ACMSD: variants seen among roughly 807,000 people sequenced by gnomAD.
The protein encoded by ACMSD is 2-amino-3-carboxymuconate-6-semialdehyde decarboxylase.
In ACMSD, 37 loss-of-function variants were observed where a neutral mutation model predicts 45.9. The observed-to-expected ratio is 0.81, with a 90% CI of 0.62 to 1.06. ACMSD has a LOEUF of 1.06. Among genes scored for constraint, ACMSD ranks in the 50% least tolerant of loss-of-function variants. The probability of loss-of-function intolerance (pLI) is 0.00; values close to 1 mark genes in which losing one functional copy is unlikely to be tolerated. For synonymous variants in ACMSD, 138 were observed against 148.8 expected (o/e 0.93, Z 0.53); for missense variants, 434 against 420.9 (o/e 1.03, Z -0.27).
intron 8 of ACMSD, among the ~76,000 whole-genome samples, chr2:134,876,106 C>T (rs1688719078): frequency 6.6e-6 from 1 of 152,102 alleles, no homozygotes; most frequent in Non-Finnish European, 1.5e-5. Flanking sequence ...AGGGCACTTA[C>T]CATGAATGGA....
chr2:134,849,544 T>C (rs1687232430), intron 2 of ACMSD, among the ~76,000 whole-genome samples: 1 of 152,218 alleles, frequency 6.6e-6, no homozygotes, highest in Admixed American at 6.5e-5. Context: ...GTTCCTTTAG[T>C]GAAGAAATGT....
rs563049718 is a variant in ACMSD, at chr2:134,840,335, T to G, written c.57+1596T>G. On this transcript the variant is annotated intron_variant, in intron 1 of 9. Transcript: ENST00000356140. ...CCACTGAGAAAGCTAGCTAGCATGA[T>G]CGACCCTCCAAGCAGGGCTCCAAGC... is the stretch of plus-strand genomic sequence containing the variant. Among the ~76,000 whole-genome samples, 3 of 151,860 alleles carry G rather than the reference T, an allele frequency of 2.0e-5. No individual in the cohort carries two copies. The East Asian group carries it at 5.8e-4, about 29-fold the overall frequency.
intron 8 of ACMSD, chr2:134,873,443 TAGA>T (rs1688568224): frequency 6.6e-6 from 1 of 152,234 alleles, no homozygotes; most frequent in Non-Finnish European, 1.5e-5. Flanking sequence ...CAGATATCTA[TAGA>T]AGATTTCCAC....
chr2:134,879,333 T>C (rs1235804199), intron 8 of ACMSD, among the ~76,000 whole-genome samples: 1 of 152,208 alleles, frequency 6.6e-6, no homozygotes, highest in Non-Finnish European at 1.5e-5. Flanking sequence ...CACAGGCCAT[T>C]GGGCTTCTAA....
intron 2 of ACMSD, among the ~76,000 whole-genome samples, chr2:134,849,963 AACACACACACACACACAC>A (rs10617563): frequency 6.9e-6 from 1 of 145,878 alleles, no homozygotes; most frequent in South Asian, 2.2e-4. Flanking sequence ...GGGCCTTGGG[AACACACACACACACACAC>A]ACACACACAC....
At chr2:134,840,959 A>T (rs1163150875) in intron 1 of ACMSD, among the ~76,000 whole-genome samples, 1 of 152,094 alleles carries the variant, frequency 6.6e-6, no homozygotes, top group East Asian at 1.9e-4. Flanking sequence ...TGTCATTCTT[A>T]TGCCTTTGCA....
intron 5 of ACMSD, among the ~76,000 whole-genome samples, chr2:134,865,827 AG>A (rs1203018186): frequency 5.9e-5 from 9 of 152,188 alleles, no homozygotes; most frequent in African/African-American, 2.4e-5. Flanking sequence ...TATTGGTATA[AG>A]GCAGACTGAA....
At chr2:134,840,166 GC>G (rs1686718719) in intron 1 of ACMSD, among the ~76,000 whole-genome samples, 6 of 12,054 alleles carry the variant, frequency 5.0e-4, no homozygotes, top group African/African-American at 1.5e-3. Flanking sequence ...ACTATACCTA[GC>G]AAAAAAAAAA....
At chr2:134,900,043 AGACATTT>A (rs2104977018) in intron 9 of ACMSD, among the ~76,000 whole-genome samples, 1 of 152,278 alleles carries the variant, frequency 6.6e-6, no homozygotes, top group South Asian at 2.1e-4. Flanking sequence ...TATCTATTTT[AGACATTT>A]TGAATTTTGA....
At chr2:134,877,508 G>C (rs1327535533) in intron 8 of ACMSD, 2 of 152,298 alleles carry the variant, frequency 1.3e-5, no homozygotes, top group African/African-American at 4.8e-5. Context: ...TTACATTCAA[G>C]GTGGATTTTA....
chr2:134,859,316 G>A lies in ACMSD; in HGVS notation c.158G>A (p.Cys53Tyr), dbSNP rs780952596. The change falls in exon 3 of 10, where the codon TGC (cysteine) becomes TAC (tyrosine). Residue 53 changes from cysteine (C) to tyrosine (Y), a missense_variant. Coordinates refer to ENST00000356140, the MANE Select transcript of ACMSD (RefSeq NM_138326.3). ...GKVFRVVREN[C>Y]WDPEVRIREM... is the part of the protein sequence containing the mutation. ...GTCTTCAGAGTGGTGCGAGAGAATT[G>A]CTGGGATCCAGAAGTTCGTATTAGA... 1.9e-6 allele frequency: 3 copies of A among 1,614,016 alleles called. No homozygotes were observed. In the East Asian group the frequency reaches 6.7e-5, roughly 36 times the overall value.
Position 134,861,972 on chromosome 2 carries a change from T to A in ACMSD, c.203T>A (p.Val68Glu). The A allele has an allele frequency of 6.2e-7, 1 of 1,614,074 alleles. No homozygotes were observed. Among genetic ancestry groups the A allele is most frequent in the Non-Finnish European group, 8.5e-7 (1 of 1,180,002 alleles). Residue 68 changes from valine (V) to glutamate (E), a missense_variant, in exon 4 of 10, where the codon GTA (valine) becomes GAA (glutamate). Coordinates refer to ENST00000356140, the MANE Select transcript of ACMSD (RefSeq NM_138326.3). ...CCTTCTTTGTGTCCATGTCTAGGAG[T>A]AACAGTGCAAGCCCTTTCCACAGTT... ...VRIREMDQKG[V>E]TVQALSTVPV... is the part of the protein sequence containing the mutation.
chr2:134,899,133 T>C (rs1573738161), intron 9 of ACMSD, among the ~76,000 whole-genome samples: 1 of 152,184 alleles, frequency 6.6e-6, no homozygotes, highest in East Asian at 1.9e-4. Flanking sequence ...TATAAACTCT[T>C]AATAAATCTT....
At chr2:134,883,967 T>C (rs930509108) in intron 8 of ACMSD, among the ~76,000 whole-genome samples, 1 of 152,198 alleles carries the variant, frequency 6.6e-6, no homozygotes, top group Non-Finnish European at 1.5e-5. Context: ...AGAAACTCAA[T>C]AAAAATTTCA....
At chr2:134,849,749 A>G (rs993054936) in intron 2 of ACMSD, among the ~76,000 whole-genome samples, 5 of 152,210 alleles carry the variant, frequency 3.3e-5, no homozygotes, top group African/African-American at 1.2e-4. Context: ...TTTTGATTGA[A>G]TATTTATAAA....
chr2:134,851,020 C>T (rs1249222113), intron 2 of ACMSD, among the ~76,000 whole-genome samples: 1 of 152,176 alleles, frequency 6.6e-6, no homozygotes, highest in East Asian at 1.9e-4. Flanking sequence ...CAATGTTTGG[C>T]TTCCATTTCT....
At chr2:134,879,819 A>T (rs1218783526) in intron 8 of ACMSD, among the ~76,000 whole-genome samples, 1 of 152,224 alleles carries the variant, frequency 6.6e-6, no homozygotes, top group Admixed American at 6.5e-5. Flanking sequence ...AAATATCTTC[A>T]GGAGCCTTCT....
At chr2:134,853,730 G>A (rs2104835055) in intron 2 of ACMSD, among the ~76,000 whole-genome samples, 1 of 152,256 alleles carries the variant, frequency 6.6e-6, no homozygotes. Flanking sequence ...AGAACTGGGG[G>A]CTTATTATAC....
chr2:134,850,212 T>C (rs761979817), intron 2 of ACMSD, among the ~76,000 whole-genome samples: 2 of 152,038 alleles, frequency 1.3e-5, no homozygotes, highest in Admixed American at 1.3e-4. Flanking sequence ...TTTCTCAGTT[T>C]GTGTCTGTAC....
Sources: gnomAD v4.1 joint callset for allele counts (sites outside exome capture counted in the v4.1 genomes callset) on GRCh38, gnomAD v4.1.1 for gene constraint, MANE v1.5 for transcripts, NCBI Gene and HGNC (gene_info 2026-07-23, HGNC 2026-07-21) for gene names.